The following TECTA variants were observed in gnomAD, a reference collection of about 807,000 sequenced individuals.
TECTA encodes the protein alpha-tectorin.
Under a neutral mutation model 216.8 loss-of-function variants are expected in TECTA, and 128 were observed. The ratio of observed to expected loss-of-function variants is 0.59; its 90% CI spans 0.51 to 0.68. The LOEUF (loss-of-function observed/expected upper bound fraction) is 0.68, where lower values mean the gene tolerates loss of function less well. Ranked by LOEUF, TECTA falls within the 30% of genes least tolerant of loss-of-function variation. TECTA has a pLI of 0.00. For synonymous variants in TECTA, 1,089 were observed against 1,117.1 expected (o/e 0.97, Z 0.50); for missense variants, 2,551 against 2,786.2 (o/e 0.92, Z 1.90).
rs998280615 is a variant in TECTA at position 121,113,449 on chromosome 11, C to G, written c.625-104C>G. The G allele has an allele frequency of 6.5e-7, 1 of 1,533,208 alleles. No individual in the cohort carries two copies. Among genetic ancestry groups the G allele is most frequent in the African/African-American group, 1.4e-5 (1 of 73,222 alleles). 95.0% of individuals were successfully genotyped at this position (1,533,208 alleles called of 1,614,324 possible). A position where few individuals can be genotyped will look rare whatever the true frequency, so the allele number is the denominator to read the frequency against. ...CCCCAGTGACTCCAGGAAAAGACGG[C>G]TCTTGATTTTAGAGGTGCTGGATTT... is the stretch of plus-strand genomic sequence containing the variant. On this transcript the variant is annotated intron_variant, in intron 5 of 23. Transcript: ENST00000392793. The surrounding 1 kb of genome is among the most constrained non-coding windows in gnomAD (Gnocchi z 4.2).
chr11:121,156,886 C>T (rs1300699333), intron 13 of TECTA, among the ~76,000 whole-genome samples: 1 of 152,094 alleles, frequency 6.6e-6, no homozygotes, highest in Non-Finnish European at 1.5e-5. Flanking sequence ...GGTGGGGATA[C>T]AGGACTAGAT....
At chr11:121,123,073 T>C (rs1339578590) in intron 7 of TECTA, among the ~76,000 whole-genome samples, 3 of 152,102 alleles carry the variant, frequency 2.0e-5, no homozygotes, top group Admixed American at 1.3e-4. Context: ...CCTAGACAAC[T>C]CAGAAAGTAG....
At chr11:121,121,135 A>G (rs560816261) in intron 7 of TECTA, among the ~76,000 whole-genome samples, 19 of 152,314 alleles carry the variant, frequency 1.2e-4, no homozygotes, top group Admixed American at 1.2e-3. Flanking sequence ...TCATCTATAA[A>G]AGGAGAAAAT....
At chr11:121,180,204 A>G (rs620896) in intron 20 of TECTA, among the ~76,000 whole-genome samples, 70,050 of 151,742 alleles carry the variant, frequency 0.46, 18,846 homozygotes, top group African/African-American at 0.75. Flanking sequence ...GGTTTTGTGT[A>G]TATGATCTGC....
At chr11:121,187,780 G>A in intron 20 of TECTA, 52 bp from the exon 21 acceptor site, 2 of 1,603,688 alleles carry the variant, frequency 1.2e-6, no homozygotes, top group South Asian at 2.2e-5. Context: ...TGAGGATTAA[G>A]GTGTAAGAGG....
intron 9 of TECTA, 82 bp from the exon 10 acceptor site, chr11:121,129,556 A>T: frequency 7.0e-7 from 1 of 1,423,580 alleles, no homozygotes; most frequent in South Asian, 1.2e-5. Flanking sequence ...AATAGGGCAG[A>T]CCGTGTCTTT....
At chr11:121,136,731 A>G (rs1164758473) in intron 10 of TECTA, among the ~76,000 whole-genome samples, 1 of 152,222 alleles carries the variant, frequency 6.6e-6, no homozygotes, top group Non-Finnish European at 1.5e-5. Context: ...CTGTGGTCCC[A>G]AAACATACAA....
chr11:121,156,858 G>A (rs915204160), intron 13 of TECTA, among the ~76,000 whole-genome samples: 2 of 152,066 alleles, frequency 1.3e-5, no homozygotes, highest in East Asian at 1.9e-4. Flanking sequence ...GGTGAGTAAC[G>A]CTACTCAAGA....
intron 7 of TECTA, among the ~76,000 whole-genome samples, chr11:121,119,731 T>G (rs912916565): frequency 1.3e-5 from 2 of 152,238 alleles, no homozygotes; most frequent in African/African-American, 4.8e-5. Flanking sequence ...GTAGTTTTAA[T>G]TGATGTAGCA....
At chr11:121,133,101 C>T (rs602682) in intron 10 of TECTA, among the ~76,000 whole-genome samples, 152,366 of 152,376 alleles carry the variant, frequency 1, 76,178 homozygotes, top group Middle Eastern at 1. Flanking sequence ...CTCCTGTTTG[C>T]TTATTTTCTT....
chr11:121,184,762 T>C (rs911827685), intron 20 of TECTA, among the ~76,000 whole-genome samples: 1 of 152,212 alleles, frequency 6.6e-6, no homozygotes, highest in Non-Finnish European at 1.5e-5. Flanking sequence ...CATGGGTTGC[T>C]GAGGTGTACT....
At chr11:121,177,897 C>A (rs969487945) in intron 20 of TECTA, among the ~76,000 whole-genome samples, 1 of 152,220 alleles carries the variant, frequency 6.6e-6, no homozygotes, top group African/African-American at 2.4e-5. Flanking sequence ...CGCCCCTCCC[C>A]CAGCCTTGCT....
At chr11:121,174,556 G>A (rs1328605235) in intron 20 of TECTA, among the ~76,000 whole-genome samples, 1 of 152,148 alleles carries the variant, frequency 6.6e-6, no homozygotes, top group Non-Finnish European at 1.5e-5. Flanking sequence ...TGATCATGGT[G>A]GATAAGCTTT....
At position 121,145,928 on chromosome 11, in the gene TECTA, A is replaced by T. The variant is rs765048098; in HGVS notation, c.3917A>T (p.Asn1306Ile). 3 of 1,614,214 alleles carry T rather than the reference A, an allele frequency of 1.9e-6. No homozygotes were observed. Among genetic ancestry groups the T allele is most frequent in the East Asian group, 4.5e-5 (2 of 44,874 alleles). The stretch of plus-strand genomic sequence containing the variant: ...CAGCAGCTGTGCAGCCTGATCCCCA[A>T]CCAGAACGCTGCCTTCTCCAAGTGT... ...KVQQLCSLIP[N>I]QNAAFSKCHS... The change falls in exon 12 of 24, where the codon AAC becomes ATC. Residue 1306 changes from asparagine to isoleucine, a missense_variant. Physicochemically the swap from Asn to Ile is moderately radical, Grantham distance 149. Transcript: ENST00000392793.
Position 121,162,322 on chromosome 11 carries a change from C to G in TECTA, c.5224C>G (p.Arg1742Gly). The change falls in exon 16 of 24, where the codon CGC becomes GGC. Residue 1742 changes from arginine (R) to glycine (G), a missense_variant. Physicochemically the swap from Arg to Gly is moderately radical, Grantham distance 125. Transcript: ENST00000392793. ...GSLAAYGEAC[R>G]SFGILSTEWI... Reference sequence around the variant, plus strand: ...CCTGGCCGCCTACGGGGAGGCCTGCCGCTCCTTCGGGATCCTTAGCACCGA... The same window carrying G: ...CCTGGCCGCCTACGGGGAGGCCTGCGGCTCCTTCGGGATCCTTAGCACCGA... The G allele has an allele frequency of 6.2e-7, 1 of 1,613,732 alleles. No homozygotes were observed. Among genetic ancestry groups the G allele is most frequent in the Non-Finnish European group, 8.5e-7 (1 of 1,180,042 alleles).
Position 121,160,394 on chromosome 11 carries a change from G to A in TECTA, c.4949G>A (p.Ser1650Asn), listed in dbSNP as rs1233596661. 1 of 1,612,706 alleles carries A rather than the reference G, an allele frequency of 6.2e-7. No individual in the cohort carries two copies. The highest frequency in any genetic ancestry group is 8.5e-7 in the Non-Finnish European group (1 of 1,179,922). Residue 1650 changes from serine to asparagine, a missense_variant, in exon 15 of 24, where the codon AGC becomes AAC. Coordinates refer to ENST00000392793, the MANE Select transcript of TECTA (RefSeq NM_005422.4). ...GTAAGCAGCGTGGTGCTGGCCCAGA[G>A]CTGGAAAACCAATGGCATGCAGAAG... is the stretch of plus-strand genomic sequence containing the variant. Reference protein sequence around the residue: ...PVVSSVVLAQSWKTNGMQKRP... With the variant: ...PVVSSVVLAQNWKTNGMQKRP...
At chr11:121,110,724 G>A (rs561358597) in intron 4 of TECTA, 1 of 152,300 alleles carries the variant, frequency 6.6e-6, no homozygotes, top group Admixed American at 6.5e-5. Flanking sequence ...TCATGGGGTT[G>A]GGGGAAGAAA....
At position 121,149,525 on chromosome 11, in the gene TECTA, T is replaced by C. The variant is rs183856785; in HGVS notation, c.4106-3356T>C. Among the ~76,000 whole-genome samples, 682 of 152,348 alleles carry C rather than the reference T, an allele frequency of 4.5e-3. 28 individuals carry two copies. Among genetic ancestry groups the C allele is most frequent in the Admixed American group, 0.043 (664 of 15,290 alleles). On this transcript the variant is annotated intron_variant, in intron 12 of 23. Coordinates refer to ENST00000392793, the MANE Select transcript of TECTA (RefSeq NM_005422.4). ...TTTACGAATTATATCTCATTTTATT[T>C]TGATAACTACTTGATGAGGGAGATA... is the stretch of plus-strand genomic sequence containing the variant.
At chr11:121,131,096 C>T (rs560674875) in intron 10 of TECTA, among the ~76,000 whole-genome samples, 53 of 151,792 alleles carry the variant, frequency 3.5e-4, no homozygotes, top group African/African-American at 1.2e-3. Context: ...GGCCTGTGGT[C>T]CCAACTATTT....
Sources: allele counts gnomAD v4.1 joint callset (sites outside exome capture counted in the v4.1 genomes callset), GRCh38; gene constraint gnomAD v4.1.1; non-coding constraint Gnocchi (gnomAD v3.1); transcripts MANE v1.5; gene names NCBI Gene and HGNC (gene_info 2026-07-23, HGNC 2026-07-21).